The following PLCG2 variants were observed in gnomAD, a reference collection of about 807,000 sequenced individuals.
The protein encoded by PLCG2 is 1-phosphatidylinositol 4,5-bisphosphate phosphodiesterase gamma-2.
PLCG2 carries 69 observed loss-of-function variants against 175.6 expected under a neutral mutation model. The observed-to-expected ratio is 0.39, with a 90% CI of 0.32 to 0.48. The LOEUF is 0.48. Ranked by LOEUF, PLCG2 falls within the 20% of genes least tolerant of loss-of-function variation. PLCG2 has a pLI of 0.91. For synonymous variants in PLCG2, 827 were observed against 624.0 expected (o/e 1.33, Z -4.85); for missense variants, 1,798 against 1,650.9 (o/e 1.09, Z -1.54).
intron 7 of PLCG2, among the ~76,000 whole-genome samples, chr16:81,875,111 G>A (rs1907716259): frequency 6.6e-6 from 1 of 151,906 alleles, no homozygotes; most frequent in Non-Finnish European, 1.5e-5. Context: ...TTACAGGCAT[G>A]CACCATCACG....
chr16:81,812,204 C>G (rs1462819829), intron 2 of PLCG2, among the ~76,000 whole-genome samples: 1 of 151,976 alleles, frequency 6.6e-6, no homozygotes, highest in Admixed American at 6.6e-5. Context: ...CACCTGCCAC[C>G]GCGCCTGGCT....
intron 1 of PLCG2, among the ~76,000 whole-genome samples, chr16:81,781,794 A>G (rs910277399): frequency 6.6e-6 from 1 of 152,126 alleles, no homozygotes; most frequent in Non-Finnish European, 1.5e-5. Flanking sequence ...CTTACCATGC[A>G]CAGAGCACTG....
intron 2 of PLCG2, chr16:81,767,997 C>G (rs541150220): frequency 4.6e-5 from 7 of 152,416 alleles, no homozygotes; most frequent in African/African-American, 1.7e-4. Flanking sequence ...TCAAGCGATT[C>G]TCCTTCCTCA....
chr16:81,910,394 T>A, intron 17 of PLCG2, 126 bp from the exon 18 acceptor site: 1 of 820,242 alleles, frequency 1.2e-6, no homozygotes, highest in Non-Finnish European at 2.0e-6. Flanking sequence ...CCCAGCCTCC[T>A]GTGTCTGTTC....
chr16:81,909,551 G>C (rs1009242559), intron 17 of PLCG2, among the ~76,000 whole-genome samples: 3 of 152,150 alleles, frequency 2.0e-5, no homozygotes, highest in African/African-American at 7.2e-5. Flanking sequence ...TAAGTAGCTG[G>C]GACTACAGGC....
At chr16:81,942,493 T>C (rs1349809512) in intron 30 of PLCG2, among the ~76,000 whole-genome samples, 11 of 152,162 alleles carry the variant, frequency 7.2e-5, no homozygotes, top group Admixed American at 6.5e-5. Flanking sequence ...ACAGGAGGCA[T>C]TGAGGGTCTT....
intron 2 of PLCG2, among the ~76,000 whole-genome samples, chr16:81,766,159 A>G (rs1041592834): frequency 1.3e-5 from 2 of 152,172 alleles, no homozygotes; most frequent in African/African-American, 4.8e-5. Flanking sequence ...TGATGGCAAC[A>G]GCTGTGACCT....
chr16:81,900,957 T>C (rs1909125254), intron 14 of PLCG2, among the ~76,000 whole-genome samples, 177 bp downstream of exon 14: 1 of 152,212 alleles, frequency 6.6e-6, no homozygotes, highest in African/African-American at 2.4e-5. Flanking sequence ...CATTAACCTT[T>C]GGGAGCCTCT....
Position 81,958,121 on chromosome 16 carries a change from A to G in PLCG2, c.*123A>G. On this transcript the variant is annotated 3_prime_UTR_variant, in exon 33 of 33. Transcript: ENST00000564138. ...GTGACATCTTTTCTTCAAGCCTGCC[A>G]TCAAGGACATTTCTTAAGACCCAAC... The G allele has an allele frequency of 4.1e-6, 3 of 726,510 alleles. No individual in the cohort carries two copies. Among genetic ancestry groups the G allele is most frequent in the Non-Finnish European group, 7.5e-6 (3 of 400,726 alleles). The allele number at this position is 726,510 out of a possible 1,614,324, so 45.0% of individuals were successfully genotyped here.
chr16:81,893,929 A>T, intron 12 of PLCG2, 135 bp downstream of exon 12: 1 of 502,458 alleles, frequency 2.0e-6, no homozygotes, highest in Non-Finnish European at 3.5e-6. Context: ...ATGGAGTTAG[A>T]GTGTGATGTT....
chr16:81,816,540 C>T (rs780584941), intron 2 of PLCG2, among the ~76,000 whole-genome samples: 5 of 150,322 alleles, frequency 3.3e-5, no homozygotes, highest in Non-Finnish European at 7.4e-5. Flanking sequence ...TGCCATGGTG[C>T]AATCACAGCT....
chr16:81,743,730 A>C (rs1909645550), intron 1 of PLCG2, among the ~76,000 whole-genome samples: 1 of 152,178 alleles, frequency 6.6e-6, no homozygotes, highest in African/African-American at 2.4e-5. Flanking sequence ...GGTGAGGCCC[A>C]TCCCAAGGGA....
intron 2 of PLCG2, among the ~76,000 whole-genome samples, chr16:81,826,250 A>C (rs1283357921): frequency 6.6e-6 from 1 of 151,984 alleles, no homozygotes; most frequent in Non-Finnish European, 1.5e-5. Flanking sequence ...GGGGTTCATC[A>C]CTGTTTGGAG....
At chr16:81,876,440 G>C (rs1907792939) in intron 7 of PLCG2, among the ~76,000 whole-genome samples, 1 of 152,154 alleles carries the variant, frequency 6.6e-6, no homozygotes, top group Non-Finnish European at 1.5e-5. Context: ...TGTGCCTTCA[G>C]CCACGTGGGA....
intron 2 of PLCG2, among the ~76,000 whole-genome samples, chr16:81,792,749 G>C (rs1361070580): frequency 6.6e-6 from 1 of 152,032 alleles, no homozygotes; most frequent in Non-Finnish European, 1.5e-5. Flanking sequence ...CACGAGAACA[G>C]CATGGAGGTA....
chr16:81,952,280 C>G (rs1376025979), intron 31 of PLCG2, among the ~76,000 whole-genome samples: 1 of 151,914 alleles, frequency 6.6e-6, no homozygotes, highest in African/African-American at 2.4e-5. Context: ...TATATATTCA[C>G]ACGTAGATGA....
intron 2 of PLCG2, among the ~76,000 whole-genome samples, chr16:81,756,901 G>C (rs943883057): frequency 5.9e-5 from 9 of 152,122 alleles, no homozygotes; most frequent in African/African-American, 1.9e-4. Context: ...CACAGGCCTG[G>C]AACACACACA....
At chr16:81,836,179 C>T (rs1280362961) in intron 2 of PLCG2, among the ~76,000 whole-genome samples, 1 of 152,158 alleles carries the variant, frequency 6.6e-6, no homozygotes. Flanking sequence ...ACCCTAGAGA[C>T]TATCCAAATG....
In PLCG2 at chr16:81,906,909, G is replaced by A. The variant is rs184645442; in HGVS notation, c.1468-776G>A. Among the ~76,000 whole-genome samples the A allele has an allele frequency of 5.2e-3, 797 of 152,038 alleles. 7 individuals are homozygous for A. The highest frequency in any genetic ancestry group is 8.2e-3 in the Non-Finnish European group (556 of 67,958). On this transcript the variant is annotated intron_variant, in intron 15 of 32. Transcript: ENST00000564138. ...AAAAATAAGTTGGGCATGGTGGCAC[G>A]TGCCTGTAGTCCCAGCTACTCAGGA...
Sources: gnomAD v4.1 joint callset for allele counts (sites outside exome capture counted in the v4.1 genomes callset) on GRCh38, gnomAD v4.1.1 for gene constraint, MANE v1.5 for transcripts, NCBI Gene and HGNC (gene_info 2026-07-23, HGNC 2026-07-21) for gene names.